Variants in HUWE1 observed in about 807,000 individuals in gnomAD.
The protein encoded by HUWE1 is HECT, UBA and WWE domain containing E3 ubiquitin protein ligase 1.
In HUWE1, 18 loss-of-function variants were observed where a neutral mutation model predicts 299.4. The observed-to-expected ratio is 0.06, with a 90% CI of 0.04 to 0.09. The LOEUF (loss-of-function observed/expected upper bound fraction) is 0.09. Among genes scored for constraint, HUWE1 ranks in the 10% least tolerant of loss-of-function variants. The pLI is 1.00. For synonymous variants in HUWE1, 1,317 were observed against 1,286.1 expected (o/e 1.02, Z -0.51); for missense variants, 1,832 against 3,462.3 (o/e 0.53, Z 11.82).
chrX:53,560,408 G>T lies in HUWE1; in HGVS notation c.7516C>A (p.Pro2506Thr). ...DNMFSSATDI[P>T]PSPGNIPTTH... ...GTAGGGATATTTCCTGGGGATGGGGGGATGTCTGCTGCAAGGACAATATGT... is the reference window on the plus strand; with the variant it reads ...GTAGGGATATTTCCTGGGGATGGGGTGATGTCTGCTGCAAGGACAATATGT... Residue 2506 changes from proline (P) to threonine (T), a missense_variant, in exon 56 of 84, where the codon CCC becomes ACC. Around this residue, in one of 15 missense-constraint regions of HUWE1, gnomAD observed 170 missense variants for 335.8 expected, o/e 0.51. Coordinates refer to ENST00000262854, the MANE Select transcript of HUWE1 (RefSeq NM_031407.7). The T allele has an allele frequency of 8.3e-7, 1 of 1,208,141 alleles. No individual in the cohort carries two copies. The highest frequency in any genetic ancestry group is 1.1e-6 in the Non-Finnish European group (1 of 892,558).
intron 51 of HUWE1, 53 bp from the exon 52 acceptor site, chrX:53,563,874 A>G: frequency 8.6e-7 from 1 of 1,156,391 alleles, no homozygotes; most frequent in Non-Finnish European, 1.2e-6. Flanking sequence ...TCATTGTGCT[A>G]GCACCGAAAC....
At chrX:53,675,898 C>T (rs1296817696) in intron 3 of HUWE1, among the ~76,000 whole-genome samples, 1 of 111,172 alleles carries the variant, frequency 9.0e-6, no homozygotes, top group African/African-American at 3.3e-5. Context: ...CCAGTATAGA[C>T]GGAGAGAGAT....
Position 53,561,740 on chromosome X carries a change from A to G in HUWE1, c.7507+16T>C, listed in dbSNP as rs782720257. On this transcript the variant is annotated intron_variant, in intron 55 of 83. Coordinates refer to ENST00000262854, the MANE Select transcript of HUWE1 (RefSeq NM_031407.7). ...GAATCAAGAGAGAAAAACCCAGCTGAGCCCCTGTATCTTACTAGCACTGGA... is the reference window on the plus strand; with the variant it reads ...GAATCAAGAGAGAAAAACCCAGCTGGGCCCCTGTATCTTACTAGCACTGGA... The G allele has an allele frequency of 8.3e-7, 1 of 1,210,631 alleles. No homozygotes were observed. The highest frequency in any genetic ancestry group is 1.1e-6 in the Non-Finnish European group (1 of 895,038).
At chrX:53,636,235 G>A (rs1157363798) in intron 7 of HUWE1, among the ~76,000 whole-genome samples, 1 of 112,743 alleles carries the variant, frequency 8.9e-6, no homozygotes, top group Non-Finnish European at 1.9e-5. Context: ...TACTAGGAAT[G>A]CTGTCAGTGA....
rs1557016048 is a variant in HUWE1 at position 53,625,268 on chromosome X, A to T, written c.1490-10T>A. On this transcript the variant is annotated splice_polypyrimidine_tract_variant and intron_variant, in intron 17 of 83. Coordinates refer to ENST00000262854, the MANE Select transcript of HUWE1 (RefSeq NM_031407.7). The stretch of plus-strand genomic sequence containing the variant: ...GGAATACACTGGACTCCTGGCAATG[A>T]AGAAAGACAAAAGAATTATGCTGAG... The T allele has an allele frequency of 8.9e-7, 1 of 1,121,979 alleles. No homozygotes were observed. Among genetic ancestry groups the T allele is most frequent in the Admixed American group, 2.2e-5 (1 of 45,966 alleles). The allele number at this position is 1,121,979 out of a possible 1,213,427, so 92.5% of individuals were successfully genotyped here.
At chrX:53,583,232 G>A (rs782545995) in intron 42 of HUWE1, among the ~76,000 whole-genome samples, 1 of 108,814 alleles carries the variant, frequency 9.2e-6, no homozygotes, top group African/African-American at 3.3e-5. Flanking sequence ...GAATGATTCT[G>A]AAGGTATGAA....
At chrX:53,674,235 TC>T (rs1490229526) in intron 3 of HUWE1, among the ~76,000 whole-genome samples, 1 of 111,786 alleles carries the variant, frequency 8.9e-6, no homozygotes, top group Non-Finnish European at 1.9e-5. Flanking sequence ...CTTTTCTTAT[TC>T]CTTAAACACT....
chrX:53,642,787 A>G (rs782325340), intron 7 of HUWE1, among the ~76,000 whole-genome samples: 74 of 112,602 alleles, frequency 6.6e-4, no homozygotes, highest in Non-Finnish European at 1.3e-3. Flanking sequence ...TAAATTGCCT[A>G]TCCATATCCT....
intron 23 of HUWE1, among the ~76,000 whole-genome samples, chrX:53,611,739 T>C (rs991429822): frequency 4.6e-5 from 5 of 109,349 alleles, no homozygotes; most frequent in Non-Finnish European, 9.5e-5. Context: ...GTGTCTGTAA[T>C]CCCAGCTACT....
intron 19 of HUWE1, among the ~76,000 whole-genome samples, chrX:53,621,823 G>C (rs1245302579): frequency 8.9e-6 from 1 of 112,034 alleles, no homozygotes; most frequent in Non-Finnish European, 1.9e-5. Context: ...ACTATATCTT[G>C]CTCCCTTGGA....
At chrX:53,548,921 C>T in intron 67 of HUWE1, 38 bp downstream of exon 67, 1 of 1,135,218 alleles carries the variant, frequency 8.8e-7, no homozygotes. Flanking sequence ...TGCTGCCACC[C>T]TTCTTCCATC....
intron 56 of HUWE1, 150 bp from the exon 57 acceptor site, chrX:53,559,682 T>C: frequency 1.8e-6 from 1 of 551,600 alleles, no homozygotes; most frequent in Non-Finnish European, 3.1e-6. Context: ...GTTATTTTTC[T>C]GAATACCACC....
intron 28 of HUWE1, among the ~76,000 whole-genome samples, chrX:53,601,167 A>G (rs1556990207): frequency 9.1e-6 from 1 of 109,540 alleles, no homozygotes; most frequent in Non-Finnish European, 1.9e-5. Context: ...ATTTCTGTAC[A>G]AGTTTTAAGC....
chrX:53,628,196 T>G (rs1323879270), intron 15 of HUWE1, among the ~76,000 whole-genome samples: 1 of 111,071 alleles, frequency 9.0e-6, no homozygotes, highest in Non-Finnish European at 1.9e-5. Flanking sequence ...CTGACATATA[T>G]TTTCCCTATG....
At position 53,630,951 on chromosome X, in the gene HUWE1, A is replaced by G; in HGVS notation, c.846T>C (p.His282=). The change falls in exon 12 of 84, where the codon CAT becomes CAC. Residue 282 remains histidine (H), a synonymous_variant. Coordinates refer to ENST00000262854, the MANE Select transcript of HUWE1 (RefSeq NM_031407.7). ...TTCTCTTACCTAATATAGATATTGC[A>G]TGCAGTCTGGCCTGAACTGCCTGCA... ...KRLQAVQARL[H]AISILVYSNA... The G allele has an allele frequency of 8.6e-7, 1 of 1,161,827 alleles. No homozygotes were observed. The highest frequency in any genetic ancestry group is 1.2e-6 in the Non-Finnish European group (1 of 849,842).
At position 53,575,227 on chromosome X, in the gene HUWE1, G is replaced by A. The variant is rs1297507542; in HGVS notation, c.6031-6C>T. On this transcript the variant is annotated splice_polypyrimidine_tract_variant and splice_region_variant and intron_variant, in intron 45 of 83. Transcript: ENST00000262854. ...TCTGCAGCAAAGACCTGACTCTGAA[G>A]AAGAAGAAAACTCCTGAGCTATTAT... 5.1e-6 allele frequency: 6 copies of A among 1,187,580 alleles called. No homozygotes were observed. The highest frequency in any genetic ancestry group is 6.8e-6 in the Non-Finnish European group (6 of 876,195).
intron 24 of HUWE1, 21 bp downstream of exon 24, chrX:53,608,831 T>C (rs1556999325): frequency 9.7e-7 from 1 of 1,028,505 alleles, no homozygotes; most frequent in South Asian, 1.9e-5. Context: ...TTTACTCAGT[T>C]TGCCCTGTGT....
chrX:53,638,212 C>T (rs782138235), intron 7 of HUWE1, among the ~76,000 whole-genome samples: 4 of 111,293 alleles, frequency 3.6e-5, no homozygotes, highest in Admixed American at 1.9e-4. Flanking sequence ...TGGTGACGGG[C>T]GCCTGTAGTC....
intron 8 of HUWE1, 68 bp from the exon 9 acceptor site, chrX:53,632,632 T>A: frequency 1.2e-6 from 1 of 829,895 alleles, no homozygotes; most frequent in Non-Finnish European, 1.8e-6. Context: ...ATCCCCCACA[T>A]CTTCCCTCAA....
Sources: allele counts gnomAD v4.1 joint callset (sites outside exome capture counted in the v4.1 genomes callset), GRCh38; gene constraint gnomAD v4.1.1; regional missense constraint gnomAD v4.1.1; transcripts MANE v1.5; gene names NCBI Gene and HGNC (gene_info 2026-07-23, HGNC 2026-07-21).